The following KCTD17 variants were observed in gnomAD, a reference collection of about 807,000 sequenced individuals.
KCTD17 encodes potassium channel tetramerization domain containing 17.
In KCTD17, 20 loss-of-function variants were observed where a neutral mutation model predicts 41.5. The observed-to-expected ratio is 0.48, with a 90% confidence interval of 0.34 to 0.70. KCTD17 has a LOEUF of 0.70. Among genes scored for constraint, KCTD17 ranks in the 30% least tolerant of loss-of-function variants. KCTD17 has a pLI of 0.01. For missense variants in KCTD17, 317 were observed against 427.2 expected (o/e 0.74, Z 2.27); for synonymous variants, 156 against 173.8 (o/e 0.90, Z 0.80).
At chr22:37,062,146 T>C in intron 8 of KCTD17, 2 of 985,106 alleles carry the variant, frequency 2.0e-6, no homozygotes, top group Non-Finnish European at 2.4e-6. Context: ...AGACAGCTGC[T>C]CCCTGTGGCT....
rs189917009 is a variant in KCTD17, at chr22:37,054,826, C to T, written c.299-1494C>T. Among the ~76,000 whole-genome samples, 843 of 152,318 alleles carry T rather than the reference C, an allele frequency of 5.5e-3. 6 individuals carry two copies. Among genetic ancestry groups the T allele is most frequent in the Non-Finnish European group, 8.9e-3 (605 of 68,018 alleles). On this transcript the variant is annotated intron_variant, in intron 2 of 8. Coordinates refer to ENST00000403888, the MANE Select transcript of KCTD17 (RefSeq NM_001282684.2). ...TAATCAGGCAGCTGCACTCCCTGAC[C>T]TCCTGCTCTGTGTTTGGTCCTGTGT...
At chr22:37,062,289 TG>T (rs1925883605) in intron 8 of KCTD17, 1 of 984,958 alleles carries the variant, frequency 1.0e-6, no homozygotes, top group Non-Finnish European at 1.2e-6. Flanking sequence ...GGCTCCTGGA[TG>T]GGTTAGTTGG....
chr22:37,061,289 G>T lies in KCTD17; in HGVS notation c.784+114G>T. 2.6e-6 allele frequency: 4 copies of T among 1,531,086 alleles called. No homozygotes were observed. The South Asian group carries it at 3.6e-5, about 14-fold the overall frequency. 94.8% of individuals were successfully genotyped at this position (1,531,086 alleles called of 1,614,324 possible). A position where few individuals can be genotyped will look rare whatever the true frequency, so the allele number is the denominator to read the frequency against. On this transcript the variant is annotated intron_variant, in intron 7 of 8. Coordinates refer to ENST00000403888, the MANE Select transcript of KCTD17 (RefSeq NM_001282684.2). This position sits in a 1 kb window ranked among gnomAD's most constrained non-coding sequence, Gnocchi z 6.6. ...CTCTGCCTGCTCACGCCTCCATCCC[G>T]GGTCTGCCCTGGTCCCAGCCTCCCG...
chr22:37,052,302 T>G, intron 1 of KCTD17: 2 of 362,946 alleles, frequency 5.5e-6, no homozygotes, highest in Admixed American at 3.7e-5. Context: ...ACGAGGCTAC[T>G]TCTCCCGCTC....
At position 37,062,779 on chromosome 22, in the gene KCTD17, T is replaced by C. The variant is rs903048687; in HGVS notation, c.*185T>C. ...CCCAGGACCTCTGGGCAGAGTGGAC[T>C]GCTCATGGCAGATGTGTGGCAATGT... On this transcript the variant is annotated 3_prime_UTR_variant, in exon 9 of 9. Transcript: ENST00000403888. The C allele has an allele frequency of 7.6e-6, 10 of 1,311,322 alleles. No individual in the cohort carries two copies. Among genetic ancestry groups the C allele is most frequent in the Admixed American group, 5.8e-5 (2 of 34,636 alleles). 81.2% of individuals were successfully genotyped at this position (1,311,322 alleles called of 1,614,324 possible).
intron 2 of KCTD17, among the ~76,000 whole-genome samples, chr22:37,054,645 T>A (rs1425433935): frequency 6.6e-6 from 1 of 152,020 alleles, no homozygotes. Context: ...ATCTGTGAAA[T>A]GGGGGACCAT....
At position 37,063,136 on chromosome 22, in the gene KCTD17, GGTA is replaced by G. The variant is rs1181531148; in HGVS notation, c.*545_*547del. The G allele has an allele frequency of 1.3e-5, 2 of 153,570 alleles. No individual in the cohort carries two copies. Among genetic ancestry groups the G allele is most frequent in the Non-Finnish European group, 2.9e-5 (2 of 69,042 alleles). 9.5% of individuals were successfully genotyped at this position (153,570 alleles called of 1,614,324 possible). A position where few individuals can be genotyped will look rare whatever the true frequency, so the allele number is the denominator to read the frequency against. ...TGGGGAGCTGGCCTGGCAGAGTAGG[GGTA>G]GTTGGCTTGGCCTTCTCTTTGGTGA... On this transcript the variant is annotated 3_prime_UTR_variant, in exon 9 of 9. Transcript: ENST00000403888. This position sits in a 1 kb window ranked among gnomAD's most constrained non-coding sequence, Gnocchi z 4.6.
chr22:37,060,810 G>A lies in KCTD17; in HGVS notation c.613-13G>A, dbSNP rs937682907. 4 of 1,477,136 alleles carry A rather than the reference G, an allele frequency of 2.7e-6. No individual in the cohort carries two copies. The highest frequency in any genetic ancestry group is 1.4e-5 in the South Asian group (1 of 71,880). 91.5% of individuals were successfully genotyped at this position (1,477,136 alleles called of 1,614,324 possible). ...CCACTCTTTCTTCCCTGGGTCCGCC[G>A]GCTGGTTCACAGAGCACGGAGGAGC... On this transcript the variant is annotated splice_polypyrimidine_tract_variant and intron_variant, in intron 5 of 8. Coordinates refer to ENST00000403888, the MANE Select transcript of KCTD17 (RefSeq NM_001282684.2).
Position 37,051,794 on chromosome 22 carries a change from G to A in KCTD17, c.34G>A (p.Ala12Thr). The A allele has an allele frequency of 1.6e-6, 2 of 1,258,646 alleles. No individual in the cohort carries two copies. The highest frequency in any genetic ancestry group is 3.0e-5 in the South Asian group (1 of 33,808). 78.0% of individuals were successfully genotyped at this position (1,258,646 alleles called of 1,614,324 possible). A position where few individuals can be genotyped will look rare whatever the true frequency, so the allele number is the denominator to read the frequency against. ...GGAGGCCGGGGAGGCAGCGCCGCCG[G>A]CGGGGGCGGGCGGCCGCGCCGCAGG... is the stretch of plus-strand genomic sequence containing the variant. Reference protein sequence around the residue: ...RMEAGEAAPPAGAGGRAAGGW... With the variant: ...RMEAGEAAPPTGAGGRAAGGW... The change falls in exon 1 of 9, where the codon GCG becomes ACG. Residue 12 changes from alanine to threonine, a missense_variant. Ala to Thr is a moderately conservative substitution (Grantham distance 58, BLOSUM62 0). Around this residue, in one of 4 missense-constraint regions of KCTD17, gnomAD observed 99 missense variants for 166.5 expected, o/e 0.59. Coordinates refer to ENST00000403888, the MANE Select transcript of KCTD17 (RefSeq NM_001282684.2).
rs560635803 is a variant in KCTD17, at chr22:37,061,723, C to T, written c.875+94C>T. ...TTGAGCCGAGCTTTCGGCTGATTAT[C>T]TCCACCCACCAAAGTTTCTCATCCG... is the stretch of plus-strand genomic sequence containing the variant. On this transcript the variant is annotated intron_variant, in intron 8 of 8. Transcript: ENST00000403888. The surrounding 1 kb of genome is among the most constrained non-coding windows in gnomAD (Gnocchi z 6.6). The T allele has an allele frequency of 1.4e-5, 21 of 1,486,458 alleles. No individual in the cohort carries two copies. The African/African-American group carries it at 1.5e-4, about 11-fold the overall frequency. The allele number at this position is 1,486,458 out of a possible 1,614,324, so 92.1% of individuals were successfully genotyped here. A position where few individuals can be genotyped will look rare whatever the true frequency, so the allele number is the denominator to read the frequency against.
At chr22:37,055,776 G>T (rs951689753) in intron 2 of KCTD17, among the ~76,000 whole-genome samples, 2 of 152,184 alleles carry the variant, frequency 1.3e-5, no homozygotes. Flanking sequence ...ATGGGCTCTG[G>T]AGTCTGCAGC....
rs151303523 is a variant in KCTD17 at position 37,054,342 on chromosome 22, C to G, written c.298+1134C>G. Among the ~76,000 whole-genome samples the G allele has an allele frequency of 3.2e-3, 487 of 152,284 alleles. 4 individuals carry two copies. The highest frequency in any genetic ancestry group is 0.011 in the African/African-American group (463 of 41,540). On this transcript the variant is annotated intron_variant, in intron 2 of 8. Transcript: ENST00000403888. ...CACGCCCTGCATTCTCAAAGCCCTG[C>G]TATTCCCACACCGTCAGACAGCGCT...
chr22:37,062,484 G>A (rs771027813), intron 8 of KCTD17, 41 bp from the exon 9 acceptor site: 22 of 1,118,122 alleles, frequency 2.0e-5, no homozygotes, highest in South Asian at 4.2e-5. Context: ...CCCCACCTCC[G>A]CCCCTCCCAT....
intron 3 of KCTD17, among the ~76,000 whole-genome samples, chr22:37,056,639 G>T (rs1032195380): frequency 2.0e-5 from 3 of 152,216 alleles, no homozygotes; most frequent in Non-Finnish European, 4.4e-5. Flanking sequence ...AGCCCCATTT[G>T]CTGTGTGTTG....
At position 37,053,804 on chromosome 22, in the gene KCTD17, T is replaced by C. The variant is rs555836684; in HGVS notation, c.298+596T>C. Among the ~76,000 whole-genome samples the C allele has an allele frequency of 6.6e-6, 1 of 152,270 alleles. No individual in the cohort carries two copies. The highest frequency in any genetic ancestry group is 1.9e-4 in the East Asian group (1 of 5,184). On this transcript the variant is annotated intron_variant, in intron 2 of 8. Transcript: ENST00000403888. This position sits in a 1 kb window ranked among gnomAD's most constrained non-coding sequence, Gnocchi z 4.1. ...GTGGCCGAGGCCCTGGATATGCCCA[T>C]ATCCGGGCCTAACAAACAGTGGGGA...
chr22:37,056,214 G>T, intron 2 of KCTD17, 106 bp from the exon 3 acceptor site: 1 of 842,528 alleles, frequency 1.2e-6, no homozygotes, highest in East Asian at 2.8e-5. Context: ...CTCACCCTCA[G>T]GGCGGGTGAT....
intron 1 of KCTD17, 71 bp downstream of exon 1, chr22:37,052,020 T>C: frequency 8.3e-7 from 1 of 1,199,728 alleles, no homozygotes; most frequent in Non-Finnish European, 1.0e-6. Flanking sequence ...CTGTCGGGCC[T>C]GGCTCGCCCG....
At chr22:37,052,511 C>T in intron 1 of KCTD17, 1 of 466,538 alleles carries the variant, frequency 2.1e-6, no homozygotes, top group South Asian at 1.5e-5. Flanking sequence ...CCTCCTTCCT[C>T]ATCTGTAACA....
intron 4 of KCTD17, among the ~76,000 whole-genome samples, chr22:37,057,761 G>A (rs1056729595): frequency 6.6e-6 from 1 of 152,250 alleles, no homozygotes; most frequent in Non-Finnish European, 1.5e-5. Context: ...CAACTGGGTG[G>A]TGATCTATCT....
Sources: gnomAD v4.1 joint callset for allele counts (sites outside exome capture counted in the v4.1 genomes callset) on GRCh38, gnomAD v4.1.1 for gene constraint, gnomAD v4.1.1 regional missense constraint, Gnocchi (gnomAD v3.1) non-coding constraint, MANE v1.5 for transcripts, NCBI Gene and HGNC (gene_info 2026-07-23, HGNC 2026-07-21) for gene names.